ZNF816: variants seen among roughly 807,000 people sequenced by gnomAD.
ZNF816 encodes the protein zinc finger protein 816.
A neutral mutation model predicts 8.3 loss-of-function variants in ZNF816; 11 were observed. The ratio of observed to expected loss-of-function variants is 1.32; its 90% CI spans 0.83 to 2.19. The LOEUF (loss-of-function observed/expected upper bound fraction) is 2.19. Among genes scored for constraint, ZNF816 ranks in the 30% most tolerant of loss-of-function variants. The probability of loss-of-function intolerance (pLI) is 0.00; values close to 1 mark genes in which losing one functional copy is unlikely to be tolerated. For synonymous variants in ZNF816, 255 were observed against 254.5 expected (o/e 1.00, Z -0.02); for missense variants, 710 against 779.3 (o/e 0.91, Z 1.06).
At chr19:52,953,229 TA>T in intron 2 of ZNF816, 1 of 189,474 alleles carries the variant, frequency 5.3e-6, no homozygotes, top group Non-Finnish European at 9.7e-6. Context: ...CCGTCTCTAC[TA>T]AAAATACAAA....
At position 52,961,932 on chromosome 19, in the gene ZNF816, T is replaced by C. The variant is rs559574467; in HGVS notation, c.-16+795A>G. 1.6e-4 allele frequency among the ~76,000 whole-genome samples: 25 copies of C among 152,276 alleles called. No individual in the cohort carries two copies. In the South Asian group the frequency reaches 4.6e-3, roughly 28 times the overall value. On this transcript the variant is annotated intron_variant, in intron 1 of 3. Coordinates refer to ENST00000444460, the MANE Select transcript of ZNF816 (RefSeq NM_001202457.3). ...GCCCAAACTAGCAACTTCTAGGTCC[T>C]AAAAACCTCAGTTATTAGACAATAC...
chr19:52,958,362 T>C (rs2083528135), intron 1 of ZNF816, among the ~76,000 whole-genome samples: 1 of 152,224 alleles, frequency 6.6e-6, no homozygotes, highest in Admixed American at 6.5e-5. Flanking sequence ...AGCATTAGAC[T>C]AGCCCCTCAG....
Position 52,951,003 on chromosome 19 carries a change from T to C in ZNF816, c.772A>G (p.Lys258Glu), listed in dbSNP as rs2122138369. ...HITHSREREY[K>E]CDVCGKIFNQ... ...AAGATCTTGCCACATACATCACATT[T>C]ATATTCTCTCTCTCTTGAATGGGTT... is the stretch of plus-strand genomic sequence containing the variant. Residue 258 changes from lysine (K) to glutamate (E), a missense_variant, in exon 4 of 4, where the codon AAA becomes GAA. Physicochemically the swap from Lys to Glu is moderately conservative, Grantham distance 56. Transcript: ENST00000444460. 1.9e-6 allele frequency: 3 copies of C among 1,614,196 alleles called. No individual in the cohort carries two copies. The South Asian group carries it at 3.3e-5, about 18-fold the overall frequency.
chr19:52,955,255 C>T (rs1158190082), intron 2 of ZNF816, among the ~76,000 whole-genome samples: 3 of 151,878 alleles, frequency 2.0e-5, no homozygotes, highest in Non-Finnish European at 4.4e-5. Context: ...TTAAAGAATC[C>T]CCTGCAGTTA....
chr19:52,961,044 G>A (rs1482264419), intron 1 of ZNF816, among the ~76,000 whole-genome samples: 1 of 152,192 alleles, frequency 6.6e-6, no homozygotes, highest in South Asian at 2.1e-4. Context: ...TCAGGTCACT[G>A]AGATAGGACA....
intron 3 of ZNF816, 161 bp downstream of exon 3, chr19:52,952,590 A>G: frequency 7.3e-7 from 1 of 1,370,638 alleles, no homozygotes; most frequent in Non-Finnish European, 9.8e-7. Context: ...AGAGTCTCTA[A>G]GAAGCTGTCC....
chr19:52,951,107 C>T lies in ZNF816; in HGVS notation c.668G>A (p.Cys223Tyr). The change falls in exon 4 of 4, where the codon TGC (cysteine) becomes TAC (tyrosine). Residue 223 changes from cysteine (C) to tyrosine (Y), a missense_variant. Transcript: ENST00000444460. ...ACTTTGGCAAGGTTTTTCTCTCATGCATATTTCCTGTATTTGTGTGAATGA... is the reference window on the plus strand; with the variant it reads ...ACTTTGGCAAGGTTTTTCTCTCATGTATATTTCCTGTATTTGTGTGAATGA... ...HSSFTQIQEI[C>Y]MREKPCQSNE... 6.2e-7 allele frequency: 1 copy of T among 1,613,972 alleles called. No homozygotes were observed. Among genetic ancestry groups the T allele is most frequent in the East Asian group, 2.2e-5 (1 of 44,882 alleles).
rs1362962729 is a variant in ZNF816 at position 52,951,406 on chromosome 19, A to G, written c.369T>C (p.Asn123=). 3.7e-6 allele frequency: 6 copies of G among 1,613,932 alleles called. No homozygotes were observed. Among genetic ancestry groups the G allele is most frequent in the East Asian group, 2.2e-5 (1 of 44,888 alleles). The change falls in exon 4 of 4, where the codon AAT becomes AAC. Residue 123 remains asparagine, a synonymous_variant. Coordinates refer to ENST00000444460, the MANE Select transcript of ZNF816 (RefSeq NM_001202457.3). ...TTTTTGTCATGGGTGCTTCATGGCC[A>G]TTTCTTTCAACTTCTTGCCACTGAA... ...FEFQWQEVER[N]GHEAPMTKIK... is the part of the protein sequence containing the mutation.
intron 1 of ZNF816, among the ~76,000 whole-genome samples, chr19:52,961,384 C>A (rs747247954): frequency 6.6e-6 from 1 of 152,174 alleles, no homozygotes; most frequent in Non-Finnish European, 1.5e-5. Flanking sequence ...AAGAAAGGAG[C>A]TGCACAGTAG....
At chr19:52,955,091 CCTCT>C (rs1266175287) in intron 2 of ZNF816, among the ~76,000 whole-genome samples, 1 of 152,070 alleles carries the variant, frequency 6.6e-6, no homozygotes, top group African/African-American at 2.4e-5. Context: ...ATGGCTCCAT[CCTCT>C]CTAACGACGT....
At chr19:52,954,684 G>A (rs958429588) in intron 2 of ZNF816, among the ~76,000 whole-genome samples, 2 of 151,980 alleles carry the variant, frequency 1.3e-5, no homozygotes, top group African/African-American at 4.8e-5. Flanking sequence ...AATTAGCCAG[G>A]AGTGTAGCAC....
In ZNF816 at chr19:52,950,067, A is replaced by G. The variant is rs1183411386; in HGVS notation, c.1708T>C (p.Cys570Arg). ...TGEKPYKCNK[C>R]AKVFNQKGIL... Reference sequence around the variant, plus strand: ...CCTTTTTGATTAAAAACCTTCGCACATTTATTACACTTGTAAGGTTTCTCT... The same window carrying G: ...CCTTTTTGATTAAAAACCTTCGCACGTTTATTACACTTGTAAGGTTTCTCT... The change falls in exon 4 of 4, where the codon TGT becomes CGT. Residue 570 changes from cysteine (C) to arginine (R), a missense_variant. By Grantham distance (180) the Cys-to-Arg change is radical. Transcript: ENST00000444460. 1 of 1,613,946 alleles carries G rather than the reference A, an allele frequency of 6.2e-7. No homozygotes were observed. Among genetic ancestry groups the G allele is most frequent in the Non-Finnish European group, 8.5e-7 (1 of 1,179,978 alleles).
At chr19:52,958,047 G>A (rs577738423) in intron 1 of ZNF816, among the ~76,000 whole-genome samples, 1 of 152,270 alleles carries the variant, frequency 6.6e-6, no homozygotes, top group East Asian at 1.9e-4. Flanking sequence ...GAAGTTAAGC[G>A]TAGGGCCCAG....
At position 52,950,471 on chromosome 19, in the gene ZNF816, C is replaced by T. The variant is rs200631879; in HGVS notation, c.1304G>A (p.Arg435Gln). Reference sequence around the variant, plus strand: ...ATGTTCTGCAAGGTATGAATCACTCCGGAAAACCTTGTCACAAACCTTACA... The same window carrying T: ...ATGTTCTGCAAGGTATGAATCACTCTGGAAAACCTTGTCACAAACCTTACA... Reference protein sequence around the residue: ...YKCKVCDKVFRSDSYLAEHQR... With the variant: ...YKCKVCDKVFQSDSYLAEHQR... Residue 435 changes from arginine to glutamine, a missense_variant, in exon 4 of 4, where the codon CGG (arginine) becomes CAG (glutamine). Transcript: ENST00000444460. The T allele has an allele frequency of 1.7e-5, 27 of 1,613,612 alleles. No homozygotes were observed. The highest frequency in any genetic ancestry group is 3.3e-4 in the Middle Eastern group (2 of 6,082).
rs1568438349 is a variant in ZNF816, at chr19:52,953,537, A to T, written c.64-660T>A. 5.0e-4 allele frequency: 24 copies of T among 47,938 alleles called. 1 individual carries two copies. Among genetic ancestry groups the T allele is most frequent in the Admixed American group, 3.0e-3 (17 of 5,760 alleles). The allele number at this position is 47,938 out of a possible 1,614,324, so 3.0% of individuals were successfully genotyped here. On this transcript the variant is annotated intron_variant, in intron 2 of 3. Transcript: ENST00000444460. ...ATAATATATATTTATAATATATAAT[A>T]TATAATACAATATTATATATAATAT...
intron 2 of ZNF816, among the ~76,000 whole-genome samples, chr19:52,953,617 AAT>A (rs1013803259): frequency 1.3e-4 from 18 of 136,294 alleles, no homozygotes; most frequent in South Asian, 6.5e-4. Flanking sequence ...GTATTTATAA[AAT>A]ATATATGATA....
chr19:52,956,720 T>C lies in ZNF816; in HGVS notation c.-15-616A>G, dbSNP rs901441442. 2.0e-5 allele frequency among the ~76,000 whole-genome samples: 3 copies of C among 152,138 alleles called. No individual in the cohort carries two copies. The East Asian group carries it at 5.8e-4, about 29-fold the overall frequency. On this transcript the variant is annotated intron_variant, in intron 1 of 3. Transcript: ENST00000444460. ...CTGTGGTCCCAGCTACTCTGGAGGCTGAGGTAGGAAGCAGACCACCACTTC... is the reference window on the plus strand; with the variant it reads ...CTGTGGTCCCAGCTACTCTGGAGGCCGAGGTAGGAAGCAGACCACCACTTC...
chr19:52,953,352 C>A (rs1159533449), intron 2 of ZNF816: 3 of 289,416 alleles, frequency 1.0e-5, no homozygotes, highest in East Asian at 1.4e-4. Flanking sequence ...AAGATCGTGC[C>A]ATTGCACTCC....
rs1283485900 is a variant in ZNF816, at chr19:52,957,301, G to A, written c.-15-1197C>T. Among the ~76,000 whole-genome samples the A allele has an allele frequency of 6.6e-6, 1 of 152,174 alleles. No homozygotes were observed. The highest frequency in any genetic ancestry group is 6.5e-5 in the Admixed American group (1 of 15,282). On this transcript the variant is annotated intron_variant, in intron 1 of 3. Coordinates refer to ENST00000444460, the MANE Select transcript of ZNF816 (RefSeq NM_001202457.3). The surrounding 1 kb of genome is among the most constrained non-coding windows in gnomAD (Gnocchi z 4.6). ...CTGCCCTTTGGAGCATCCCTGCTGG[G>A]TACTCCAGCCAGCTTGGGCGACATG...
Sources: allele counts gnomAD v4.1 joint callset (sites outside exome capture counted in the v4.1 genomes callset), GRCh38; gene constraint gnomAD v4.1.1; non-coding constraint Gnocchi (gnomAD v3.1); transcripts MANE v1.5; gene names NCBI Gene and HGNC (gene_info 2026-07-23, HGNC 2026-07-21).